The following ERI1 variants were observed in gnomAD, a reference collection of about 807,000 sequenced individuals.
ERI1 encodes the protein 3'-5' exoribonuclease 1.
ERI1 carries 39 observed loss-of-function variants against 39.7 expected under a neutral mutation model. The observed-to-expected ratio is 0.98, with a 90% CI of 0.76 to 1.28. ERI1 has a LOEUF of 1.28. ERI1 is among the 50% of genes most tolerant of loss of function. The pLI is 0.00. For synonymous variants in ERI1, 204 were observed against 149.6 expected, an observed-to-expected ratio of 1.36 and a Z score of -2.65; for missense variants, 581 against 416.9, an observed-to-expected ratio of 1.39 and a Z score of -3.43.
intron 3 of ERI1, among the ~76,000 whole-genome samples, chr8:9,058,999 A>C (rs563673917): frequency 4.5e-4 from 68 of 152,240 alleles, no homozygotes; most frequent in African/African-American, 1.4e-3. Flanking sequence ...AGGTGGGCTG[A>C]GTCCAAAAAG....
chr8:9,071,311 TC>T (rs1223495120), intron 3 of ERI1, among the ~76,000 whole-genome samples: 2 of 152,200 alleles, frequency 1.3e-5, no homozygotes, highest in African/African-American at 4.8e-5. Context: ...TAAATACTTT[TC>T]CTTTTCTGGA....
downstream of ERI1, among the ~76,000 whole-genome samples, chr8:9,037,260 C>T (rs1797882014): frequency 6.6e-6 from 1 of 152,172 alleles, no homozygotes; most frequent in Admixed American, 6.5e-5. Flanking sequence ...AGTTACTCCC[C>T]TCACCATCAC....
At chr8:9,015,045 C>G (rs1051446177) in intron 3 of ERI1, among the ~76,000 whole-genome samples, 2 of 152,166 alleles carry the variant, frequency 1.3e-5, no homozygotes, top group Non-Finnish European at 1.5e-5. Flanking sequence ...CCACTTCGGC[C>G]AGGCTGGTCT....
chr8:9,051,307 C>G, intron 3 of ERI1, among the ~76,000 whole-genome samples: 1 of 151,918 alleles, frequency 6.6e-6, no homozygotes, highest in Non-Finnish European at 1.5e-5. Context: ...CTCACAGCAT[C>G]ACATGGTGAG....
intron 3 of ERI1, among the ~76,000 whole-genome samples, chr8:9,048,194 G>A (rs965821995): frequency 6.6e-6 from 1 of 152,216 alleles, no homozygotes; most frequent in Non-Finnish European, 1.5e-5. Context: ...AGGAAGCTGC[G>A]ACCAGCGCAG....
chr8:9,028,521 G>A (rs748210250), intron 6 of ERI1, among the ~76,000 whole-genome samples: 2 of 152,208 alleles, frequency 1.3e-5, no homozygotes, highest in Non-Finnish European at 2.9e-5. Context: ...CCATTTTACG[G>A]ATGAAGAAGC....
chr8:9,070,236 CA>C (rs112125195), intron 3 of ERI1, among the ~76,000 whole-genome samples: 25 of 119,312 alleles, frequency 2.1e-4, no homozygotes, highest in Admixed American at 2.5e-4. Context: ...GACGCTGTCT[CA>C]AAAAAAAAAA....
chr8:9,027,870 G>A (rs372285180), intron 6 of ERI1, among the ~76,000 whole-genome samples: 7 of 152,262 alleles, frequency 4.6e-5, no homozygotes, highest in South Asian at 2.1e-4. Flanking sequence ...TAATGCTTGT[G>A]TTAACATTAT....
intron 3 of ERI1, among the ~76,000 whole-genome samples, chr8:9,075,649 C>T (rs1235010911): frequency 6.6e-6 from 1 of 152,054 alleles, no homozygotes; most frequent in Non-Finnish European, 1.5e-5. Flanking sequence ...CACAAAGAAT[C>T]CCCACGGTGT....
At chr8:9,093,776 C>T (rs577411753) in intron 3 of ERI1, among the ~76,000 whole-genome samples, 15 of 152,226 alleles carry the variant, frequency 9.9e-5, no homozygotes, top group African/African-American at 2.6e-4. Context: ...GGAGTTTCAC[C>T]ACATTGTCCA....
intron 3 of ERI1, among the ~76,000 whole-genome samples, chr8:9,039,375 G>A (rs1368605455): frequency 2.0e-5 from 3 of 152,148 alleles, no homozygotes; most frequent in Non-Finnish European, 4.4e-5. Flanking sequence ...AAATATCCAT[G>A]TCATGAATCA....
downstream of ERI1, among the ~76,000 whole-genome samples, chr8:9,033,740 C>G (rs1378162226): frequency 6.6e-6 from 1 of 152,212 alleles, no homozygotes; most frequent in Non-Finnish European, 1.5e-5. Context: ...GCTGTAGATT[C>G]TGGCAGTATG....
chr8:9,063,527 G>T (rs1798772538), intron 3 of ERI1, among the ~76,000 whole-genome samples: 1 of 152,040 alleles, frequency 6.6e-6, no homozygotes, highest in Non-Finnish European at 1.5e-5. Flanking sequence ...TGGCAAGGAG[G>T]GGAGAGGTCA....
chr8:9,072,262 C>T, intron 3 of ERI1, among the ~76,000 whole-genome samples: 1 of 152,176 alleles, frequency 6.6e-6, no homozygotes, highest in South Asian at 2.1e-4. Context: ...TTTCATACCA[C>T]ATTGACGGTC....
At chr8:9,098,996 G>A (rs1023935002) in intron 3 of ERI1, among the ~76,000 whole-genome samples, 4 of 151,796 alleles carry the variant, frequency 2.6e-5, no homozygotes, top group Non-Finnish European at 4.4e-5. Flanking sequence ...CACCACATCC[G>A]GCTAATTTTT....
intron 3 of ERI1, among the ~76,000 whole-genome samples, 193 bp downstream of exon 3, chr8:9,011,945 C>T (rs1305449658): frequency 6.6e-6 from 1 of 152,116 alleles, no homozygotes; most frequent in Non-Finnish European, 1.5e-5. Flanking sequence ...CTACTGCTTT[C>T]TTTTTGCAGT....
At chr8:9,056,189 C>A (rs1471786051) in intron 3 of ERI1, among the ~76,000 whole-genome samples, 4 of 152,228 alleles carry the variant, frequency 2.6e-5, no homozygotes, top group African/African-American at 9.6e-5. Flanking sequence ...GAGCTGTGAT[C>A]CCCAGCTCCG....
At chr8:9,042,448 A>G (rs1798055756) in intron 3 of ERI1, among the ~76,000 whole-genome samples, 1 of 152,156 alleles carries the variant, frequency 6.6e-6, no homozygotes, top group African/African-American at 2.4e-5. Context: ...CTCAACTGCT[A>G]CGCCCTCTCC....
At chr8:9,078,564 G>T (rs76394197) in intron 3 of ERI1, among the ~76,000 whole-genome samples, 1 of 152,282 alleles carries the variant, frequency 6.6e-6, no homozygotes, top group African/African-American at 2.4e-5. Flanking sequence ...TAATCAATAT[G>T]ACAGAGATTT....
Sources: gnomAD v4.1 joint callset for allele counts (sites outside exome capture counted in the v4.1 genomes callset) on GRCh38, gnomAD v4.1.1 for gene constraint, MANE v1.5 for transcripts, NCBI Gene and HGNC (gene_info 2026-07-23, HGNC 2026-07-21) for gene names.